Variants in CNTNAP2 observed in about 807,000 individuals in gnomAD.
The protein encoded by CNTNAP2 is contactin associated protein 2, also known as contactin-associated protein-like 2.
Under a neutral mutation model 155.2 loss-of-function variants are expected in CNTNAP2, and 98 were observed. The observed-to-expected ratio is 0.63, with a 90% CI of 0.54 to 0.75. The LOEUF (loss-of-function observed/expected upper bound fraction) is 0.75, where lower values mean the gene tolerates loss of function less well. CNTNAP2 is among the 30% of genes least tolerant of loss of function. The probability of loss-of-function intolerance (pLI) is 0.00; values close to 1 mark genes in which losing one functional copy is unlikely to be tolerated. For synonymous variants in CNTNAP2, 651 were observed against 631.2 expected (o/e 1.03, Z -0.47); for missense variants, 1,727 against 1,688.1 (o/e 1.02, Z -0.40).
intron 2 of CNTNAP2, among the ~76,000 whole-genome samples, chr7:146,807,286 T>C (rs893638067): frequency 5.9e-5 from 9 of 152,184 alleles, no homozygotes; most frequent in Non-Finnish European, 1.3e-4. Context: ...TTGTCTTATG[T>C]GGAATTCTAT....
At chr7:146,458,777 A>T (rs562099614) in intron 1 of CNTNAP2, among the ~76,000 whole-genome samples, 118 of 152,288 alleles carry the variant, frequency 7.7e-4, no homozygotes, top group African/African-American at 2.6e-3. Context: ...GTCTCCTCCC[A>T]TCAGTTGAAA....
In CNTNAP2 at chr7:147,564,007, A is replaced by T. The variant is rs12537791; in HGVS notation, c.1897+1750A>T. Among the ~76,000 whole-genome samples the T allele has an allele frequency of 2.0e-3, 311 of 151,876 alleles. 1 individual carries two copies. Among genetic ancestry groups the T allele is most frequent in the African/African-American group, 7.4e-3 (307 of 41,404 alleles). On this transcript the variant is annotated intron_variant, in intron 12 of 23. Transcript: ENST00000361727. ...GAAGATAATAAAATGGAAGCTGACCAGCCTGGGCAACATAGTGAGACCACA... is the reference window on the plus strand; with the variant it reads ...GAAGATAATAAAATGGAAGCTGACCTGCCTGGGCAACATAGTGAGACCACA...
chr7:146,958,066 T>G (rs1363688354), intron 3 of CNTNAP2, among the ~76,000 whole-genome samples: 1 of 152,184 alleles, frequency 6.6e-6, no homozygotes, highest in Non-Finnish European at 1.5e-5. Context: ...GTCTATTCAT[T>G]TGGTTTCTAC....
At chr7:146,174,088 C>T (rs1798434240) in intron 1 of CNTNAP2, among the ~76,000 whole-genome samples, 1 of 151,742 alleles carries the variant, frequency 6.6e-6, no homozygotes, top group Admixed American at 6.6e-5. Flanking sequence ...ATTTGTAGTC[C>T]CAGCTATTCA....
In CNTNAP2 at chr7:147,044,002, G is replaced by A. The variant is rs1176180722; in HGVS notation, c.498G>A (p.Trp166Ter). ...ATGTGCGCATAGTGCCTCTGGATTG[G>A]AATGGAGAAGGTCGCATTGGACTCA... Reference protein sequence around the residue: ...ARYVRIVPLDWNGEGRIGLRI... With the variant: ...ARYVRIVPLD The change falls in exon 4 of 24, where the codon TGG (tryptophan) becomes TGA (stop). Residue 166 changes from tryptophan to a stop codon, truncating the protein, a stop_gained. Coordinates refer to ENST00000361727, the MANE Select transcript of CNTNAP2 (RefSeq NM_014141.6). LOFTEE classifies it high-confidence loss of function. 1.2e-6 allele frequency: 2 copies of A among 1,614,202 alleles called. No individual in the cohort carries two copies. Among genetic ancestry groups the A allele is most frequent in the Non-Finnish European group, 1.7e-6 (2 of 1,180,020 alleles).
chr7:147,900,607 T>A (rs1320958689), intron 13 of CNTNAP2, among the ~76,000 whole-genome samples: 1 of 152,072 alleles, frequency 6.6e-6, no homozygotes. Flanking sequence ...TGGTGGGTTT[T>A]TTGTTTGTTT....
chr7:147,158,668 C>T (rs867907187), intron 8 of CNTNAP2, among the ~76,000 whole-genome samples: 4 of 151,938 alleles, frequency 2.6e-5, no homozygotes, highest in African/African-American at 9.7e-5. Flanking sequence ...TCTTCAATAT[C>T]AAAAAGCACT....
chr7:146,971,189 C>G (rs140804601), intron 3 of CNTNAP2, among the ~76,000 whole-genome samples: 1 of 147,046 alleles, frequency 6.8e-6, no homozygotes, highest in Non-Finnish European at 1.5e-5. Context: ...CACATGTACC[C>G]TAAAACTTAA....
At chr7:148,216,131 A>G (rs4726926) in intron 18 of CNTNAP2, among the ~76,000 whole-genome samples, 149,297 of 152,256 alleles carry the variant, frequency 0.98, 73,249 homozygotes, top group Non-Finnish European at 1. Flanking sequence ...AGTGAGTCGG[A>G]GTGATTTAGA....
chr7:146,442,278 G>T (rs1442940179), intron 1 of CNTNAP2, among the ~76,000 whole-genome samples: 1 of 151,548 alleles, frequency 6.6e-6, no homozygotes, highest in Non-Finnish European at 1.5e-5. Flanking sequence ...TTTGTTCCTT[G>T]TTTCGGGAAG....
intron 11 of CNTNAP2, among the ~76,000 whole-genome samples, chr7:147,532,190 T>C (rs575002270): frequency 6.6e-6 from 1 of 152,152 alleles, no homozygotes; most frequent in African/African-American, 2.4e-5. Context: ...TGAATGCCTT[T>C]AACAGTACCT....
At chr7:148,193,416 T>C (rs930048100) in intron 18 of CNTNAP2, among the ~76,000 whole-genome samples, 1 of 152,134 alleles carries the variant, frequency 6.6e-6, no homozygotes, top group African/African-American at 2.4e-5. Flanking sequence ...TCAAAGAAAA[T>C]ATTTTAATAT....
chr7:146,555,498 C>A (rs1196433348), intron 1 of CNTNAP2, among the ~76,000 whole-genome samples: 1 of 68,546 alleles, frequency 1.5e-5, no homozygotes, highest in Non-Finnish European at 3.3e-5. Flanking sequence ...ATCTGTCTGT[C>A]TATCTATCTA....
intron 12 of CNTNAP2, among the ~76,000 whole-genome samples, chr7:147,608,780 G>A (rs746019239): frequency 3.1e-4 from 47 of 152,278 alleles, no homozygotes; most frequent in African/African-American, 7.5e-4. Context: ...TATTTCACCC[G>A]GGTGCAGGCG....
chr7:146,939,890 T>A (rs571419401), intron 3 of CNTNAP2, among the ~76,000 whole-genome samples: 2 of 61,726 alleles, frequency 3.2e-5, no homozygotes, highest in East Asian at 4.2e-4. Flanking sequence ...ACAAATGAGA[T>A]TTTTTTTCAG....
chr7:146,384,179 A>C (rs1176011203), intron 1 of CNTNAP2, among the ~76,000 whole-genome samples: 1 of 152,232 alleles, frequency 6.6e-6, no homozygotes. Context: ...AAAGTAAAAT[A>C]ATGCAAAATG....
At chr7:146,225,624 A>C (rs1460252915) in intron 1 of CNTNAP2, among the ~76,000 whole-genome samples, 1 of 152,200 alleles carries the variant, frequency 6.6e-6, no homozygotes, top group South Asian at 2.1e-4. Context: ...TTAGCAGTGC[A>C]CAGACAGTCA....
chr7:146,167,240 T>C (rs1237110546), intron 1 of CNTNAP2, among the ~76,000 whole-genome samples: 1 of 152,198 alleles, frequency 6.6e-6, no homozygotes, highest in African/African-American at 2.4e-5. Flanking sequence ...ACTTATACAT[T>C]AAACATTTTA....
At chr7:146,414,256 G>A (rs1795906324) in intron 1 of CNTNAP2, among the ~76,000 whole-genome samples, 1 of 152,178 alleles carries the variant, frequency 6.6e-6, no homozygotes, top group Non-Finnish European at 1.5e-5. Context: ...TAAAGAGTTG[G>A]AAGAAAAGGG....
Sources: gnomAD v4.1 joint callset for allele counts (sites outside exome capture counted in the v4.1 genomes callset) on GRCh38, gnomAD v4.1.1 for gene constraint, MANE v1.5 for transcripts, NCBI Gene and HGNC (gene_info 2026-07-23, HGNC 2026-07-21) for gene names.